Variants in OXR1 observed in about 807,000 individuals in gnomAD.
The protein encoded by OXR1 is oxidation resistance 1.
OXR1 carries 41 observed loss-of-function variants against 104.6 expected under a neutral mutation model. The ratio of observed to expected loss-of-function variants is 0.39; its 90% CI spans 0.31 to 0.51. The LOEUF (loss-of-function observed/expected upper bound fraction) is 0.51, where lower values mean the gene tolerates loss of function less well. Among genes scored for constraint, OXR1 ranks in the 20% least tolerant of loss-of-function variants. The pLI is 0.77. For missense variants in OXR1, 955 were observed against 1,031.9 expected, an observed-to-expected ratio of 0.93 and a Z score of 1.02; for synonymous variants, 348 against 348.4, an observed-to-expected ratio of 1.00 and a Z score of 0.01.
chr8:106,366,245 A>T (rs1278121618), intron 2 of OXR1, among the ~76,000 whole-genome samples: 1 of 152,228 alleles, frequency 6.6e-6, no homozygotes, highest in African/African-American at 2.4e-5. Context: ...AAGACTTTTC[A>T]TCATTCTCAA....
At chr8:106,270,767 G>A (rs557642554) in intron 1 of OXR1, among the ~76,000 whole-genome samples, 35 of 152,200 alleles carry the variant, frequency 2.3e-4, no homozygotes, top group Admixed American at 2.0e-3. Context: ...CAGCGTGAGA[G>A]CAGTGTTGGG....
chr8:106,512,707 A>G (rs1812615927), intron 2 of OXR1, among the ~76,000 whole-genome samples: 1 of 152,198 alleles, frequency 6.6e-6, no homozygotes, highest in Non-Finnish European at 1.5e-5. Flanking sequence ...AGGAAAGATG[A>G]AAAGCATTGC....
intron 3 of OXR1, among the ~76,000 whole-genome samples, chr8:106,633,869 C>T (rs887132600): frequency 8.5e-5 from 13 of 152,178 alleles, no homozygotes; most frequent in African/African-American, 3.1e-4. Flanking sequence ...TGAGGATTTG[C>T]TCCAAACTGC....
intron 6 of OXR1, among the ~76,000 whole-genome samples, chr8:106,686,290 A>T (rs982549206): frequency 1.6e-4 from 4 of 24,270 alleles, no homozygotes; most frequent in African/African-American, 4.4e-4. Context: ...AAATAATTAA[A>T]AAAAAAAAAA....
At chr8:106,726,091 C>G in intron 11 of OXR1, 1 of 1,246,248 alleles carries the variant, frequency 8.0e-7, no homozygotes, top group Non-Finnish European at 1.1e-6. Context: ...GTGATTAGCT[C>G]TCTCTCTTGT....
At chr8:106,315,147 T>C (rs889143423) in intron 1 of OXR1, among the ~76,000 whole-genome samples, 5 of 152,182 alleles carry the variant, frequency 3.3e-5, no homozygotes, top group African/African-American at 1.2e-4. Flanking sequence ...GATATCCTAT[T>C]ATTAGTATAT....
intron 7 of OXR1, among the ~76,000 whole-genome samples, chr8:106,694,668 G>T (rs866147268): frequency 0.062 from 2,443 of 39,586 alleles, 238 homozygotes; most frequent in East Asian, 0.13. Context: ...ATAAATATAT[G>T]TTTATATATT....
intron 6 of OXR1, among the ~76,000 whole-genome samples, chr8:106,686,170 A>G (rs1380769779): frequency 1.3e-5 from 2 of 152,136 alleles, no homozygotes; most frequent in East Asian, 1.9e-4. Flanking sequence ...CACATTGGGT[A>G]CAGTGTACAC....
rs1352190566 is a variant in OXR1 at position 106,711,966 on chromosome 8, A to G, written c.1793+1176A>G. Among the ~76,000 whole-genome samples the G allele has an allele frequency of 2.6e-5, 4 of 152,146 alleles. 1 individual carries two copies. The highest frequency in any genetic ancestry group is 4.4e-5 in the Non-Finnish European group (3 of 67,980). On this transcript the variant is annotated intron_variant, in intron 10 of 16. Coordinates refer to ENST00000517566, the MANE Select transcript of OXR1 (RefSeq NM_001198533.2). ...TATTACACATAAAAAGTAAAATATC[A>G]TAGGAAATGCCTGTCTTAAGGAGAT... is the stretch of plus-strand genomic sequence containing the variant.
chr8:106,274,695 A>C (rs1811965518), intron 1 of OXR1, among the ~76,000 whole-genome samples: 1 of 148,454 alleles, frequency 6.7e-6, no homozygotes, highest in Admixed American at 6.8e-5. Context: ...CTGTCTTGGA[A>C]AAAGGCAGTG....
At position 106,706,653 on chromosome 8, in the gene OXR1, G is replaced by A. The variant is rs769445547; in HGVS notation, c.1132G>A (p.Val378Ile). Reference sequence around the variant, plus strand: ...TGTGCAAACTGTCAATCAGGCTGAAGTAGAAAGTCTGACAGTCAAATCAGA... The same window carrying A: ...TGTGCAAACTGTCAATCAGGCTGAAATAGAAAGTCTGACAGTCAAATCAGA... ...ESVQTVNQAE[V>I]ESLTVKSEST... The change falls in exon 9 of 17, where the codon GTA becomes ATA. Residue 378 changes from valine to isoleucine, a missense_variant. Val to Ile is a conservative substitution (Grantham distance 29). Coordinates refer to ENST00000517566, the MANE Select transcript of OXR1 (RefSeq NM_001198533.2). 6.2e-6 allele frequency: 10 copies of A among 1,613,636 alleles called. No homozygotes were observed. The highest frequency in any genetic ancestry group is 8.5e-6 in the Non-Finnish European group (10 of 1,179,846).
At chr8:106,506,801 A>C (rs957314987) in intron 2 of OXR1, among the ~76,000 whole-genome samples, 7 of 152,130 alleles carry the variant, frequency 4.6e-5, no homozygotes, top group African/African-American at 1.7e-4. Context: ...ATAGAAAATG[A>C]GGACTTGGGT....
intron 2 of OXR1, among the ~76,000 whole-genome samples, chr8:106,476,049 G>A (rs577963323): frequency 2.1e-5 from 3 of 142,208 alleles, no homozygotes; most frequent in East Asian, 1.9e-4. Context: ...AACAATGATG[G>A]TAGCTTCAAT....
intron 3 of OXR1, among the ~76,000 whole-genome samples, chr8:106,555,504 A>G (rs1042486283): frequency 2.0e-5 from 3 of 152,158 alleles, no homozygotes; most frequent in Non-Finnish European, 4.4e-5. Context: ...CCCTACTAAG[A>G]GATCTTTCAC....
chr8:106,677,427 T>C (rs1358480967), intron 3 of OXR1, among the ~76,000 whole-genome samples: 2 of 152,124 alleles, frequency 1.3e-5, no homozygotes, highest in Non-Finnish European at 2.9e-5. Flanking sequence ...TAATATTCTT[T>C]ATAAAAATTC....
intron 3 of OXR1, among the ~76,000 whole-genome samples, chr8:106,601,944 C>A (rs1820003775): frequency 6.6e-6 from 1 of 152,070 alleles, no homozygotes; most frequent in Non-Finnish European, 1.5e-5. Context: ...GCAGTAGATG[C>A]GCTTTACTGT....
chr8:106,339,957 C>G (rs936583897), intron 1 of OXR1, among the ~76,000 whole-genome samples: 1 of 152,124 alleles, frequency 6.6e-6, no homozygotes, highest in South Asian at 2.1e-4. Context: ...TAAATATTAG[C>G]TTTTATGATC....
intron 1 of OXR1, among the ~76,000 whole-genome samples, chr8:106,312,399 C>T (rs571220105): frequency 3.3e-5 from 5 of 152,274 alleles, no homozygotes; most frequent in South Asian, 4.1e-4. Context: ...GTGAGCAAGA[C>T]GGGAAAACGA....
intron 2 of OXR1, among the ~76,000 whole-genome samples, chr8:106,426,230 G>A (rs955241999): frequency 1.9e-4 from 29 of 152,032 alleles, no homozygotes; most frequent in African/African-American, 6.3e-4. Flanking sequence ...ACAGGACCTG[G>A]CACCGTAAGA....
Sources: gnomAD v4.1 joint callset for allele counts (sites outside exome capture counted in the v4.1 genomes callset) on GRCh38, gnomAD v4.1.1 for gene constraint, MANE v1.5 for transcripts, NCBI Gene and HGNC (gene_info 2026-07-23, HGNC 2026-07-21) for gene names.